The following DNAAF10 variants were observed in gnomAD, a reference collection of about 807,000 sequenced individuals.
DNAAF10 encodes the protein WD repeat domain 92.
A neutral mutation model predicts 43.7 loss-of-function variants in DNAAF10; 28 were observed. The ratio of observed to expected loss-of-function variants is 0.64; its 90% CI spans 0.48 to 0.88. The LOEUF is 0.88. Ranked by LOEUF, DNAAF10 falls within the 40% of genes least tolerant of loss-of-function variation. The pLI is 0.00. For missense variants in DNAAF10, 403 were observed against 439.1 expected (o/e 0.92, Z 0.73); for synonymous variants, 156 against 157.3 (o/e 0.99, Z 0.06).
rs760604656 is a variant in DNAAF10 at position 68,131,296 on chromosome 2, C to T, written c.1016G>A (p.Cys339Tyr). Residue 339 changes from cysteine to tyrosine, a missense_variant, in exon 8 of 8, where the codon TGT becomes TAT. Physicochemically the swap from Cys to Tyr is radical, Grantham distance 194 (BLOSUM62 -2). Coordinates refer to ENST00000295121, the MANE Select transcript of DNAAF10 (RefSeq NM_138458.4). Reference sequence around the variant, plus strand: ...TCTCACCGTTTGGTCAAATGAACTACAGACGCAGAGACCCCTTTTATCTGG... The same window carrying T: ...TCTCACCGTTTGGTCAAATGAACTATAGACGCAGAGACCCCTTTTATCTGG... ...WSPDKRGLCV[C>Y]SSFDQTVRVL... The T allele has an allele frequency of 3.7e-6, 6 of 1,614,108 alleles. No individual in the cohort carries two copies. Among genetic ancestry groups the T allele is most frequent in the East Asian group, 2.2e-5 (1 of 44,878 alleles).
At chr2:68,133,418 T>C (rs1339956419) in intron 7 of DNAAF10, among the ~76,000 whole-genome samples, 1 of 151,988 alleles carries the variant, frequency 6.6e-6, no homozygotes, top group Non-Finnish European at 1.5e-5. Context: ...GTATTTTTAG[T>C]AGAGACCCGG....
At chr2:68,154,389 G>T (rs1673534621) in intron 1 of DNAAF10, among the ~76,000 whole-genome samples, 1 of 152,072 alleles carries the variant, frequency 6.6e-6, no homozygotes, top group African/African-American at 2.4e-5. Flanking sequence ...TGGGACTACA[G>T]GCGCCCGCCA....
rs1188097524 is a variant in DNAAF10, at chr2:68,130,107, G to T, written c.*1131C>A. The stretch of plus-strand genomic sequence containing the variant: ...ATCTAGACCAACCGTGCCGTTTTGA[G>T]AGAGAGAGATATATATATATATATT... On this transcript the variant is annotated 3_prime_UTR_variant, in exon 8 of 8. Coordinates refer to ENST00000295121, the MANE Select transcript of DNAAF10 (RefSeq NM_138458.4). 1.2e-4 allele frequency: 15 copies of T among 120,388 alleles called. No individual in the cohort carries two copies. The highest frequency in any genetic ancestry group is 2.1e-4 in the East Asian group (1 of 4,688). 7.5% of individuals were successfully genotyped at this position (120,388 alleles called of 1,614,324 possible). A position where few individuals can be genotyped will look rare whatever the true frequency, so the allele number is the denominator to read the frequency against.
chr2:68,154,220 A>G (rs1186721504), intron 1 of DNAAF10, among the ~76,000 whole-genome samples: 1 of 151,994 alleles, frequency 6.6e-6, no homozygotes, highest in African/African-American at 2.4e-5. Context: ...GAATATCCAA[A>G]GGATTCAGGT....
chr2:68,132,421 T>C (rs914801117), intron 7 of DNAAF10, among the ~76,000 whole-genome samples: 3 of 152,236 alleles, frequency 2.0e-5, no homozygotes, highest in Non-Finnish European at 4.4e-5. Flanking sequence ...GAATAAATGG[T>C]TTAAATACAG....
Position 68,157,491 on chromosome 2 carries a change from A to G in DNAAF10, c.-48T>C. On this transcript the variant is annotated 5_prime_UTR_variant, in exon 1 of 8. Transcript: ENST00000295121. ...GCAACCGCCACACCCAGAGCCCCCA[A>G]AAACGGCAACCTGGAAACCAGACTC... 1.2e-6 allele frequency: 2 copies of G among 1,613,836 alleles called. No individual in the cohort carries two copies. The highest frequency in any genetic ancestry group is 2.7e-5 in the African/African-American group (2 of 75,040).
At chr2:68,139,106 G>A (rs1036708600) in intron 4 of DNAAF10, among the ~76,000 whole-genome samples, 4 of 152,114 alleles carry the variant, frequency 2.6e-5, no homozygotes, top group Non-Finnish European at 1.5e-5. Flanking sequence ...TGATGTTGAC[G>A]TATGATCCCC....
intron 1 of DNAAF10, among the ~76,000 whole-genome samples, chr2:68,155,422 A>G (rs1031487146): frequency 9.9e-5 from 15 of 151,854 alleles, no homozygotes; most frequent in Non-Finnish European, 1.6e-4. Flanking sequence ...TGAACCTGGG[A>G]GGCAGAGGTT....
At chr2:68,134,921 T>G (rs1344173990) in intron 6 of DNAAF10, 122 bp from the exon 7 acceptor site, 1 of 1,085,678 alleles carries the variant, frequency 9.2e-7, no homozygotes, top group Non-Finnish European at 1.3e-6. Context: ...ATTAAGGTTA[T>G]TTTCTGGCAC....
At chr2:68,149,223 G>C (rs907234064) in intron 1 of DNAAF10, among the ~76,000 whole-genome samples, 23 of 152,056 alleles carry the variant, frequency 1.5e-4, no homozygotes, top group Non-Finnish European at 3.1e-4. Context: ...TTTTTTCTCT[G>C]ATTCAAAGGT....
chr2:68,133,581 C>T (rs572230469), intron 7 of DNAAF10, among the ~76,000 whole-genome samples: 43 of 152,086 alleles, frequency 2.8e-4, no homozygotes, highest in African/African-American at 9.6e-4. Context: ...GGTGAAACCC[C>T]GTCTCTACTA....
rs80101340 is a variant in DNAAF10, at chr2:68,142,814, G to A, written c.416-1019C>T. Among the ~76,000 whole-genome samples the A allele has an allele frequency of 8.5e-3, 1,287 of 152,054 alleles. 20 individuals carry two copies. Among genetic ancestry groups the A allele is most frequent in the African/African-American group, 0.029 (1,220 of 41,448 alleles). On this transcript the variant is annotated intron_variant, in intron 3 of 7. Coordinates refer to ENST00000295121, the MANE Select transcript of DNAAF10 (RefSeq NM_138458.4). The stretch of plus-strand genomic sequence containing the variant: ...AATCCTTAAAAGGAAAACAACTCAG[G>A]AAAGGTGGAGGTACAACATTAGATT...
intron 1 of DNAAF10, among the ~76,000 whole-genome samples, chr2:68,151,675 G>A (rs1490127064): frequency 1.3e-5 from 2 of 152,140 alleles, no homozygotes; most frequent in African/African-American, 2.4e-5. Flanking sequence ...AACCAGGGCT[G>A]GAGTTCACTT....
chr2:68,131,296 C>G lies in DNAAF10; in HGVS notation c.1016G>C (p.Cys339Ser). The G allele has an allele frequency of 6.2e-7, 1 of 1,614,108 alleles. No individual in the cohort carries two copies. Among genetic ancestry groups the G allele is most frequent in the Non-Finnish European group, 8.5e-7 (1 of 1,180,012 alleles). ...TCTCACCGTTTGGTCAAATGAACTA[C>G]AGACGCAGAGACCCCTTTTATCTGG... ...WSPDKRGLCV[C>S]SSFDQTVRVL... Residue 339 changes from cysteine to serine, a missense_variant, in exon 8 of 8, where the codon TGT becomes TCT. Cys to Ser is a moderately radical substitution (Grantham distance 112). Coordinates refer to ENST00000295121, the MANE Select transcript of DNAAF10 (RefSeq NM_138458.4).
intron 1 of DNAAF10, among the ~76,000 whole-genome samples, chr2:68,155,150 T>C (rs535685189): frequency 4.2e-4 from 63 of 150,556 alleles, no homozygotes; most frequent in Admixed American, 4.0e-3. Flanking sequence ...TGAGACCCTG[T>C]TTCAAAAAAA....
chr2:68,135,768 G>C (rs1673027551), intron 6 of DNAAF10, among the ~76,000 whole-genome samples: 1 of 152,206 alleles, frequency 6.6e-6, no homozygotes, highest in African/African-American at 2.4e-5. Context: ...TTAGGTTCAA[G>C]CTGTCGAAAC....
chr2:68,139,216 C>G (rs1174959419), intron 4 of DNAAF10, among the ~76,000 whole-genome samples: 1 of 152,038 alleles, frequency 6.6e-6, no homozygotes, highest in Non-Finnish European at 1.5e-5. Flanking sequence ...TTTCGCTCTT[C>G]TAGTTCATGT....
rs1453152500 is a variant in DNAAF10, at chr2:68,130,115, G to GAGAGAGAGAGATATATATATATATATAT, written c.*1122_*1123insATATATATATATATATATCTCTCTCTCT. On this transcript the variant is annotated 3_prime_UTR_variant, in exon 8 of 8. Transcript: ENST00000295121. ...CAACCGTGCCGTTTTGAGAGAGAGA[G>GAGAGAGAGAGATATATATATATATATAT]ATATATATATATATATTTGTTTTTT... The GAGAGAGAGAGATATATATATATATATAT allele has an allele frequency of 3.0e-5, 4 of 132,948 alleles. No homozygotes were observed. The highest frequency in any genetic ancestry group is 1.2e-4 in the African/African-American group (4 of 34,264). The allele number at this position is 132,948 out of a possible 1,614,324, so 8.2% of individuals were successfully genotyped here.
chr2:68,137,253 C>G, intron 6 of DNAAF10, 46 bp downstream of exon 6: 1 of 1,579,528 alleles, frequency 6.3e-7, no homozygotes, highest in Non-Finnish European at 8.6e-7. Flanking sequence ...CAGTCTAAAC[C>G]AAGCTATCAT....
Sources: gnomAD v4.1 joint callset for allele counts (sites outside exome capture counted in the v4.1 genomes callset) on GRCh38, gnomAD v4.1.1 for gene constraint, MANE v1.5 for transcripts, NCBI Gene and HGNC (gene_info 2026-07-23, HGNC 2026-07-21) for gene names.